TMEM232: variants seen among roughly 807,000 people sequenced by gnomAD.
TMEM232 encodes transmembrane protein 232.
In TMEM232, 80 loss-of-function variants were observed where a neutral mutation model predicts 78.8. The ratio of observed to expected loss-of-function variants is 1.01; its 90% CI spans 0.85 to 1.22. TMEM232 has a LOEUF of 1.22. Among genes scored for constraint, TMEM232 ranks in the 50% most tolerant of loss-of-function variants. TMEM232 has a pLI of 0.00. For missense variants in TMEM232, 881 were observed against 742.2 expected (o/e 1.19, Z -2.17); for synonymous variants, 297 against 254.3 (o/e 1.17, Z -1.60).
chr5:110,548,080 T>G (rs1254630125), intron 11 of TMEM232, among the ~76,000 whole-genome samples: 9 of 149,640 alleles, frequency 6.0e-5, no homozygotes, highest in Non-Finnish European at 1.0e-4. Context: ...ACTGAAAGGC[T>G]ACAAAAGTGT....
At chr5:110,573,130 C>G (rs1355873040) in intron 10 of TMEM232, among the ~76,000 whole-genome samples, 2 of 152,096 alleles carry the variant, frequency 1.3e-5, no homozygotes, top group Non-Finnish European at 2.9e-5. Context: ...GAAACCACCA[C>G]TGTACTTGAA....
chr5:110,575,515 G>C (rs1014413637), intron 10 of TMEM232, among the ~76,000 whole-genome samples: 3 of 151,930 alleles, frequency 2.0e-5, no homozygotes, highest in African/African-American at 7.3e-5. Flanking sequence ...AATAATTATT[G>C]TGGCCAAGAT....
At chr5:110,437,127 A>G (rs979551066) in intron 12 of TMEM232, among the ~76,000 whole-genome samples, 3 of 151,906 alleles carry the variant, frequency 2.0e-5, no homozygotes, top group African/African-American at 7.2e-5. Context: ...AATTTCTTTC[A>G]TCAGTGTTTT....
chr5:110,568,087 A>C (rs1298649115), intron 11 of TMEM232, among the ~76,000 whole-genome samples: 1 of 151,924 alleles, frequency 6.6e-6, no homozygotes, highest in Non-Finnish European at 1.5e-5. Context: ...AGAGAAAAAG[A>C]ATCATGGCTT....
Position 110,401,440 on chromosome 5 carries a change from A to G in TMEM232, n.309-3586T>C, listed in dbSNP as rs145071327. Among the ~76,000 whole-genome samples, 918 of 152,150 alleles carry G rather than the reference A, an allele frequency of 6.0e-3. 4 individuals carry two copies. Among genetic ancestry groups the G allele is most frequent in the Middle Eastern group, 0.031 (9 of 294 alleles). On this transcript the variant is annotated intron_variant and non_coding_transcript_variant, in intron 2 of 8. Coordinates refer to the TMEM232 transcript ENST00000507188. Reference sequence around the variant, plus strand: ...ATGCCTCTCTGGCCAAGCAAAGTGTATCGACATACCCTCCTGAGCTACTGG... The same window carrying G: ...ATGCCTCTCTGGCCAAGCAAAGTGTGTCGACATACCCTCCTGAGCTACTGG...
At position 110,625,398 on chromosome 5, in the gene TMEM232, G is replaced by T. The variant is rs751514896; in HGVS notation, c.637C>A (p.Pro213Thr). 11 of 1,538,994 alleles carry T rather than the reference G, an allele frequency of 7.1e-6. No homozygotes were observed. Among genetic ancestry groups the T allele is most frequent in the Non-Finnish European group, 9.6e-6 (11 of 1,140,502 alleles). ...SFSGASYHKY[P>T]NIFSNVQFIL... Reference sequence around the variant, plus strand: ...AATTGCACATTTGAAAAGATGTTTGGATACTTGTGATATGATGCTCCAGAG... The same window carrying T: ...AATTGCACATTTGAAAAGATGTTTGTATACTTGTGATATGATGCTCCAGAG... Residue 213 changes from proline to threonine, a missense_variant, in exon 7 of 14, where the codon CCA (proline) becomes ACA (threonine). Pro to Thr is a conservative substitution (Grantham distance 38). Coordinates refer to ENST00000455884, the MANE Select transcript of TMEM232 (RefSeq NM_001039763.4).
chr5:110,406,265 T>TATACACACACACAC (rs369880810), intron 2 of TMEM232, among the ~76,000 whole-genome samples: 1 of 143,584 alleles, frequency 7.0e-6, no homozygotes, highest in Non-Finnish European at 1.5e-5. Context: ...CAGATATATA[T>TATACACACACACAC]ACACACACAC....
chr5:110,661,463 C>A (rs1442711085), intron 2 of TMEM232, among the ~76,000 whole-genome samples: 1 of 152,048 alleles, frequency 6.6e-6, no homozygotes, highest in African/African-American at 2.4e-5. Flanking sequence ...CAGGTGTACA[C>A]CACCATGCCT....
At chr5:110,480,509 G>GT (rs1372684172) in intron 12 of TMEM232, among the ~76,000 whole-genome samples, 1 of 151,980 alleles carries the variant, frequency 6.6e-6, no homozygotes, top group Non-Finnish European at 1.5e-5. Context: ...TTGGTTGGTT[G>GT]TTTTTTAAGA....
At chr5:110,620,991 T>C (rs907229388) in intron 7 of TMEM232, among the ~76,000 whole-genome samples, 2 of 150,488 alleles carry the variant, frequency 1.3e-5, no homozygotes, top group Non-Finnish European at 2.9e-5. Flanking sequence ...GCCTGCCAAG[T>C]AGCTGGGATT....
intron 12 of TMEM232, among the ~76,000 whole-genome samples, chr5:110,460,920 C>G (rs1307928296): frequency 6.6e-6 from 1 of 152,070 alleles, no homozygotes; most frequent in East Asian, 1.9e-4. Context: ...CTCAGATACA[C>G]ATTGTACGTG....
chr5:110,704,010 A>G (rs895850447), intron 1 of TMEM232, among the ~76,000 whole-genome samples: 3 of 152,084 alleles, frequency 2.0e-5, no homozygotes, highest in Non-Finnish European at 2.9e-5. Flanking sequence ...TGGATAGAGG[A>G]TTTCTCCATC....
At position 110,470,290 on chromosome 5, in the gene TMEM232, C is replaced by T. The variant is rs540787510; in HGVS notation, c.1704-45374G>A. Among the ~76,000 whole-genome samples the T allele has an allele frequency of 9.9e-5, 15 of 152,208 alleles. No homozygotes were observed. The South Asian group carries it at 2.5e-3, about 25-fold the overall frequency. On this transcript the variant is annotated intron_variant, in intron 12 of 13. Coordinates refer to ENST00000455884, the MANE Select transcript of TMEM232 (RefSeq NM_001039763.4). ...TACAACCTTGTTCCCTGGGCACAAGCGCTAGAAGATGCCTCACAGTCACAG... is the reference window on the plus strand; with the variant it reads ...TACAACCTTGTTCCCTGGGCACAAGTGCTAGAAGATGCCTCACAGTCACAG...
At chr5:110,663,055 C>A (rs775554979) in intron 2 of TMEM232, among the ~76,000 whole-genome samples, 1 of 151,952 alleles carries the variant, frequency 6.6e-6, no homozygotes, top group Non-Finnish European at 1.5e-5. Context: ...TAAGTTTGTA[C>A]ATTAAGATGT....
intron 12 of TMEM232, among the ~76,000 whole-genome samples, chr5:110,450,207 T>G (rs1354798637): frequency 1.3e-5 from 2 of 152,154 alleles, no homozygotes; most frequent in Non-Finnish European, 2.9e-5. Flanking sequence ...GAACTGTGAG[T>G]CAATTAATCC....
Position 110,642,357 on chromosome 5 carries a change from AT to A in TMEM232, c.139del (p.Ile47SerfsTer7), listed in dbSNP as rs1277911208. On this transcript the variant is annotated frameshift_variant, in exon 3 of 14. Transcript: ENST00000455884. LOFTEE classifies it high-confidence loss of function. ...RGHKSRPTFS[I>X]TKEFILRFNQ... ...GAATCTCAAGATGAATTCTTTTGTG[AT>A]TGAAAATGTTGGCCTAAATAAAACA... 5 of 1,516,582 alleles carry A rather than the reference AT, an allele frequency of 3.3e-6. No homozygotes were observed. Among genetic ancestry groups the A allele is most frequent in the Non-Finnish European group, 4.4e-6 (5 of 1,134,090 alleles). The allele number at this position is 1,516,582 out of a possible 1,614,324, so 93.9% of individuals were successfully genotyped here.
At chr5:110,452,311 C>T (rs888139646) in intron 12 of TMEM232, among the ~76,000 whole-genome samples, 1 of 151,978 alleles carries the variant, frequency 6.6e-6, no homozygotes, top group African/African-American at 2.4e-5. Flanking sequence ...TTGGTTAATC[C>T]GTTTCAGTGT....
In TMEM232 at chr5:110,705,110, T is replaced by C. The variant is rs113634535; in HGVS notation, c.-13+21517A>G. Reference sequence around the variant, plus strand: ...TATATCTACAGGTAACTTCTACCCATCTCACCTGAACTTGGAACACCCAAC... The same window carrying C: ...TATATCTACAGGTAACTTCTACCCACCTCACCTGAACTTGGAACACCCAAC... On this transcript the variant is annotated intron_variant, in intron 1 of 13. Coordinates refer to ENST00000455884, the MANE Select transcript of TMEM232 (RefSeq NM_001039763.4). 5.9e-3 allele frequency among the ~76,000 whole-genome samples: 895 copies of C among 152,252 alleles called. 6 individuals are homozygous for C. Among genetic ancestry groups the C allele is most frequent in the Non-Finnish European group, 9.0e-3 (613 of 68,000 alleles).
intron 12 of TMEM232, among the ~76,000 whole-genome samples, chr5:110,486,779 T>A (rs1294715630): frequency 6.6e-6 from 1 of 152,032 alleles, no homozygotes; most frequent in Admixed American, 6.6e-5. Context: ...TTTTGTTTAG[T>A]CTTGCTTTGG....
Sources: allele counts gnomAD v4.1 joint callset (sites outside exome capture counted in the v4.1 genomes callset), GRCh38; gene constraint gnomAD v4.1.1; transcripts MANE v1.5; gene names NCBI Gene and HGNC (gene_info 2026-07-23, HGNC 2026-07-21).